The following ADAMTSL3 variants were observed in gnomAD, a reference collection of about 807,000 sequenced individuals.
The protein encoded by ADAMTSL3 is ADAMTS-like protein 3.
ADAMTSL3 carries 128 observed loss-of-function variants against 201.7 expected under a neutral mutation model. The ratio of observed to expected loss-of-function variants is 0.63; its 90% CI spans 0.55 to 0.73. The LOEUF is 0.73. Among genes scored for constraint, ADAMTSL3 ranks in the 30% least tolerant of loss-of-function variants. ADAMTSL3 has a pLI of 0.00. For synonymous variants in ADAMTSL3, 738 were observed against 748.4 expected (o/e 0.99, Z 0.23); for missense variants, 1,990 against 2,119.6 (o/e 0.94, Z 1.20).
chr15:83,795,681 A>G (rs2063414136), intron 4 of ADAMTSL3, among the ~76,000 whole-genome samples: 1 of 152,214 alleles, frequency 6.6e-6, no homozygotes, highest in East Asian at 1.9e-4. Flanking sequence ...TTGGAAGTGC[A>G]TGTATATTGG....
intron 2 of ADAMTSL3, among the ~76,000 whole-genome samples, chr15:83,665,253 A>C (rs1016358907): frequency 6.6e-6 from 1 of 152,184 alleles, no homozygotes; most frequent in East Asian, 1.9e-4. Context: ...TTCAGGTTCC[A>C]AACAAGTGTT....
At position 83,785,320 on chromosome 15, in the gene ADAMTSL3, T is replaced by C. The variant is rs1443880206; in HGVS notation, c.317+11670T>C. Among the ~76,000 whole-genome samples, 7 of 152,214 alleles carry C rather than the reference T, an allele frequency of 4.6e-5. No homozygotes were observed. In the East Asian group the frequency reaches 1.3e-3, roughly 29 times the overall value. The stretch of plus-strand genomic sequence containing the variant: ...GTTGTAGGTCTTATACTTTATGAGT[T>C]CTTATATATCTGAAAATGACTTTTT... On this transcript the variant is annotated intron_variant, in intron 4 of 29. Coordinates refer to ENST00000286744, the MANE Select transcript of ADAMTSL3 (RefSeq NM_207517.3).
At chr15:83,951,099 A>G (rs2066750198) in intron 19 of ADAMTSL3, among the ~76,000 whole-genome samples, 1 of 150,784 alleles carries the variant, frequency 6.6e-6, no homozygotes, top group African/African-American at 2.4e-5. Context: ...TTTTCCAGAT[A>G]TTACAGGAAA....
intron 2 of ADAMTSL3, among the ~76,000 whole-genome samples, chr15:83,690,523 T>C (rs1333046191): frequency 6.6e-6 from 1 of 152,236 alleles, no homozygotes; most frequent in African/African-American, 2.4e-5. Flanking sequence ...AATTCCTACT[T>C]GTTCTTTACA....
intron 19 of ADAMTSL3, among the ~76,000 whole-genome samples, chr15:83,957,172 G>T (rs2066878607): frequency 6.6e-6 from 1 of 152,186 alleles, no homozygotes; most frequent in African/African-American, 2.4e-5. Context: ...GAGACAGAGG[G>T]GTGTTCTAGA....
intron 6 of ADAMTSL3, among the ~76,000 whole-genome samples, chr15:83,821,286 G>A (rs1421260826): frequency 4.0e-5 from 6 of 149,062 alleles, no homozygotes; most frequent in African/African-American, 5.0e-5. Flanking sequence ...GGTGTTTCTC[G>A]CAGAGGGGGA....
chr15:83,812,135 T>C (rs1181385123), intron 5 of ADAMTSL3, among the ~76,000 whole-genome samples: 1 of 152,230 alleles, frequency 6.6e-6, no homozygotes, highest in African/African-American at 2.4e-5. Context: ...TGTATCTTTT[T>C]TTCCATGTAA....
intron 15 of ADAMTSL3, among the ~76,000 whole-genome samples, chr15:83,906,620 CACCACACACACACACA>C (rs1230255346): frequency 0.013 from 327 of 25,056 alleles, 8 homozygotes; most frequent in Middle Eastern, 0.071. Context: ...TAGTGCCACA[CACCACACACACACACA>C]CACACACACA....
intron 15 of ADAMTSL3, among the ~76,000 whole-genome samples, chr15:83,910,924 G>C (rs1181365237): frequency 1.3e-5 from 2 of 151,950 alleles, no homozygotes; most frequent in Non-Finnish European, 2.9e-5. Flanking sequence ...ACCGGCGTGA[G>C]CCACCACGCC....
At chr15:83,819,633 A>C (rs1230149087) in intron 5 of ADAMTSL3, among the ~76,000 whole-genome samples, 178 bp from the exon 6 acceptor site, 2 of 149,034 alleles carry the variant, frequency 1.3e-5, no homozygotes, top group East Asian at 4.0e-4. Flanking sequence ...TCTCTGTGGA[A>C]TTTCATAGCA....
intron 7 of ADAMTSL3, among the ~76,000 whole-genome samples, chr15:83,841,937 C>T (rs1056035962): frequency 1.5e-4 from 23 of 151,738 alleles, no homozygotes; most frequent in African/African-American, 4.3e-4. Flanking sequence ...GACAGTGGAA[C>T]GACAGAGACT....
chr15:83,871,590 C>T (rs1214043701), intron 9 of ADAMTSL3, among the ~76,000 whole-genome samples: 1 of 152,152 alleles, frequency 6.6e-6, no homozygotes, highest in African/African-American at 2.4e-5. Flanking sequence ...TTTGCTTCCC[C>T]AGATGTTCTA....
intron 21 of ADAMTSL3, among the ~76,000 whole-genome samples, chr15:83,986,535 GAT>G (rs1353813543): frequency 6.6e-6 from 1 of 152,136 alleles, no homozygotes; most frequent in East Asian, 1.9e-4. Context: ...TAATTTTTAA[GAT>G]AATAAGATCC....
At chr15:83,826,938 C>G (rs1196452115) in intron 6 of ADAMTSL3, among the ~76,000 whole-genome samples, 2 of 152,050 alleles carry the variant, frequency 1.3e-5, no homozygotes, top group Non-Finnish European at 2.9e-5. Context: ...TGTTCCAAGT[C>G]TTTGCTTTTG....
At chr15:83,992,475 C>T (rs2067598962) in intron 23 of ADAMTSL3, among the ~76,000 whole-genome samples, 1 of 152,212 alleles carries the variant, frequency 6.6e-6, no homozygotes, top group Admixed American at 6.5e-5. Context: ...GGCCGGCATT[C>T]TCTGGCCATA....
At chr15:83,918,277 G>T (rs1217681505) in intron 16 of ADAMTSL3, among the ~76,000 whole-genome samples, 1 of 152,132 alleles carries the variant, frequency 6.6e-6, no homozygotes, top group Non-Finnish European at 1.5e-5. Flanking sequence ...AATATTTATT[G>T]TATGTTTCTA....
chr15:83,681,434 G>T (rs1033696534), intron 2 of ADAMTSL3, among the ~76,000 whole-genome samples: 1 of 152,222 alleles, frequency 6.6e-6, no homozygotes, highest in Non-Finnish European at 1.5e-5. Flanking sequence ...CCCAGGAGGA[G>T]AACTGAAAAT....
chr15:83,697,855 G>A (rs1036944452), intron 2 of ADAMTSL3, among the ~76,000 whole-genome samples: 1 of 152,080 alleles, frequency 6.6e-6, no homozygotes, highest in Non-Finnish European at 1.5e-5. Context: ...TGGGGGTGAG[G>A]ACTGAAAGTT....
At chr15:84,025,118 G>A in intron 26 of ADAMTSL3, 120 bp from the exon 27 acceptor site, 1 of 775,992 alleles carries the variant, frequency 1.3e-6, no homozygotes, top group South Asian at 1.9e-5. Context: ...CATTCCCATA[G>A]AGACATGTGA....
Sources: allele counts gnomAD v4.1 joint callset (sites outside exome capture counted in the v4.1 genomes callset), GRCh38; gene constraint gnomAD v4.1.1; transcripts MANE v1.5; gene names NCBI Gene and HGNC (gene_info 2026-07-23, HGNC 2026-07-21).